ZFAND3: variants seen among roughly 807,000 people sequenced by gnomAD.
ZFAND3 encodes AN1-type zinc finger protein 3.
Under a neutral mutation model 29.6 loss-of-function variants are expected in ZFAND3, and 10 were observed. The observed-to-expected ratio is 0.34, with a 90% CI of 0.21 to 0.57. The LOEUF is 0.57. ZFAND3 is among the 20% of genes least tolerant of loss of function. ZFAND3 has a pLI of 0.86. For synonymous variants in ZFAND3, 128 were observed against 112.6 expected (o/e 1.14, Z -0.87); for missense variants, 230 against 304.5 (o/e 0.76, Z 1.82).
chr6:37,851,547 C>T (rs1055787633), intron 1 of ZFAND3, among the ~76,000 whole-genome samples: 1 of 146,506 alleles, frequency 6.8e-6, no homozygotes, highest in East Asian at 2.0e-4. Context: ...ATTTGAGCTA[C>T]GTAAAACTAA....
chr6:37,888,144 T>A (rs1349399759), intron 1 of ZFAND3, among the ~76,000 whole-genome samples: 1 of 152,214 alleles, frequency 6.6e-6, no homozygotes, highest in Non-Finnish European at 1.5e-5. Flanking sequence ...GCTATAAATT[T>A]TTTTATGTGT....
intron 1 of ZFAND3, among the ~76,000 whole-genome samples, chr6:37,865,410 A>G (rs181829991): frequency 1.1e-4 from 17 of 152,314 alleles, no homozygotes; most frequent in Admixed American, 5.2e-4. Context: ...GGTTGAATCC[A>G]TGGATGCAGA....
intron 1 of ZFAND3, among the ~76,000 whole-genome samples, chr6:37,841,649 A>G (rs1764078062): frequency 6.6e-6 from 1 of 151,824 alleles, no homozygotes; most frequent in Non-Finnish European, 1.5e-5. Flanking sequence ...TGCCCGGCTA[A>G]TTTTTTTGTA....
At chr6:37,935,600 C>T (rs1761683951) in intron 2 of ZFAND3, among the ~76,000 whole-genome samples, 1 of 152,026 alleles carries the variant, frequency 6.6e-6, no homozygotes, top group Non-Finnish European at 1.5e-5. Context: ...GTGTATTGCA[C>T]ATAGTAAAGT....
intron 1 of ZFAND3, among the ~76,000 whole-genome samples, chr6:37,860,730 G>T (rs1211802698): frequency 1.4e-5 from 2 of 147,894 alleles, no homozygotes; most frequent in Non-Finnish European, 1.5e-5. Context: ...GCCACATCAG[G>T]TACCTTTTTC....
intron 2 of ZFAND3, among the ~76,000 whole-genome samples, chr6:38,004,565 A>G (rs186466853): frequency 2.4e-4 from 36 of 150,752 alleles, no homozygotes; most frequent in Admixed American, 8.6e-4. Context: ...ACACACACGA[A>G]TGAATAAGTA....
chr6:38,070,667 A>G (rs1293273295), intron 3 of ZFAND3, among the ~76,000 whole-genome samples: 1 of 152,122 alleles, frequency 6.6e-6, no homozygotes, highest in Non-Finnish European at 1.5e-5. Flanking sequence ...CTAATGGTGC[A>G]TATGTTATTT....
intron 2 of ZFAND3, among the ~76,000 whole-genome samples, chr6:37,935,481 A>C (rs1385322677): frequency 6.6e-6 from 1 of 152,164 alleles, no homozygotes; most frequent in African/African-American, 2.4e-5. Flanking sequence ...TTGAAATACT[A>C]CCTCTTAATG....
intron 2 of ZFAND3, among the ~76,000 whole-genome samples, chr6:37,993,856 TTTTTG>T (rs1426501287): frequency 6.6e-6 from 1 of 152,202 alleles, no homozygotes; most frequent in Non-Finnish European, 1.5e-5. Context: ...CACAGTAGTA[TTTTTG>T]TTTTGTTTAT....
At chr6:38,021,869 T>C (rs1019659670) in intron 2 of ZFAND3, among the ~76,000 whole-genome samples, 1 of 152,132 alleles carries the variant, frequency 6.6e-6, no homozygotes, top group African/African-American at 2.4e-5. Context: ...CCAGCACCAC[T>C]GTGTGAAAAT....
chr6:38,065,241 G>A (rs190322679), intron 3 of ZFAND3, among the ~76,000 whole-genome samples: 41 of 152,024 alleles, frequency 2.7e-4, no homozygotes, highest in African/African-American at 9.2e-4. Flanking sequence ...GCTTGAACCC[G>A]GGAGGTGAGG....
chr6:38,018,049 A>G (rs983405089), intron 2 of ZFAND3, among the ~76,000 whole-genome samples: 1 of 152,350 alleles, frequency 6.6e-6, no homozygotes, highest in East Asian at 1.9e-4. Flanking sequence ...ACATTATACT[A>G]TCACAGTTGA....
intron 4 of ZFAND3, among the ~76,000 whole-genome samples, chr6:38,100,309 G>T (rs1184746140): frequency 6.6e-6 from 1 of 152,142 alleles, no homozygotes; most frequent in Non-Finnish European, 1.5e-5. Flanking sequence ...TGATCCGCCT[G>T]CCTCGACCTC....
intron 4 of ZFAND3, among the ~76,000 whole-genome samples, chr6:38,105,379 C>T (rs905612716): frequency 3.3e-5 from 5 of 151,916 alleles, no homozygotes; most frequent in South Asian, 2.1e-4. Flanking sequence ...CACTCCAGCT[C>T]GGGTAACAGA....
intron 1 of ZFAND3, among the ~76,000 whole-genome samples, chr6:37,897,412 T>C (rs1219899330): frequency 6.6e-6 from 1 of 152,268 alleles, no homozygotes; most frequent in East Asian, 1.9e-4. Flanking sequence ...TATGGATTTA[T>C]TCACTTGTGG....
At chr6:37,934,529 TAAAAAAAAAA>T (rs34477813) in intron 2 of ZFAND3, among the ~76,000 whole-genome samples, 7 of 125,380 alleles carry the variant, frequency 5.6e-5, no homozygotes, top group African/African-American at 2.1e-4. Context: ...TTAGTCTATT[TAAAAAAAAAA>T]AAAAAAAAAA....
chr6:37,924,016 G>A (rs931695085), intron 1 of ZFAND3, among the ~76,000 whole-genome samples: 4 of 151,738 alleles, frequency 2.6e-5, no homozygotes, highest in African/African-American at 9.7e-5. Flanking sequence ...CAAGGGGTAT[G>A]TATTTTCAAA....
chr6:37,934,655 G>A (rs1393672736), intron 2 of ZFAND3, among the ~76,000 whole-genome samples: 1 of 151,416 alleles, frequency 6.6e-6, no homozygotes, highest in African/African-American at 2.4e-5. Flanking sequence ...TAACCAACAT[G>A]GTGAAACCCT....
At chr6:38,051,553 T>C (rs1441426192) in intron 2 of ZFAND3, among the ~76,000 whole-genome samples, 1 of 152,214 alleles carries the variant, frequency 6.6e-6, no homozygotes, top group Non-Finnish European at 1.5e-5. Context: ...CTTTAGATTA[T>C]ACCAAGGATC....
Sources: allele counts gnomAD v4.1 joint callset (sites outside exome capture counted in the v4.1 genomes callset), GRCh38; gene constraint gnomAD v4.1.1; transcripts MANE v1.5; gene names NCBI Gene and HGNC (gene_info 2026-07-23, HGNC 2026-07-21).